CEP162: variants seen among roughly 807,000 people sequenced by gnomAD.
CEP162 encodes the protein centrosomal protein 162.
In CEP162, 141 loss-of-function variants were observed where a neutral mutation model predicts 169.2. The observed-to-expected ratio is 0.83, with a 90% CI of 0.73 to 0.96. The LOEUF (loss-of-function observed/expected upper bound fraction) is 0.96. Among genes scored for constraint, CEP162 ranks in the 40% least tolerant of loss-of-function variants. The probability of loss-of-function intolerance (pLI) is 0.00; values close to 1 mark genes in which losing one functional copy is unlikely to be tolerated. For missense variants in CEP162, 1,600 were observed against 1,587.2 expected, an observed-to-expected ratio of 1.01 and a Z score of -0.14; for synonymous variants, 540 against 526.4, an observed-to-expected ratio of 1.03 and a Z score of -0.35.
Position 84,176,691 on chromosome 6 carries a change from T to G in CEP162, c.1664-1344A>C, listed in dbSNP as rs561797507. Among the ~76,000 whole-genome samples, 179 of 152,282 alleles carry G rather than the reference T, an allele frequency of 1.2e-3. 1 individual carries two copies. Among genetic ancestry groups the G allele is most frequent in the Admixed American group, 8.5e-4 (13 of 15,284 alleles). On this transcript the variant is annotated intron_variant, in intron 13 of 26. Coordinates refer to ENST00000403245, the MANE Select transcript of CEP162 (RefSeq NM_014895.4). ...GGAGATGCTAAACTGGTAAATATAATGCAAATACTCCAAAATCCAATGAAA... is the reference window on the plus strand; with the variant it reads ...GGAGATGCTAAACTGGTAAATATAAGGCAAATACTCCAAAATCCAATGAAA...
intron 11 of CEP162, among the ~76,000 whole-genome samples, chr6:84,187,699 G>A (rs1437460166): frequency 6.6e-6 from 1 of 152,184 alleles, no homozygotes; most frequent in Non-Finnish European, 1.5e-5. Context: ...AGTCTGGAGA[G>A]ACGGCAGCCT....
rs1255989108 is a variant in CEP162 at position 84,193,839 on chromosome 6, T to A, written c.1028-149A>T. On this transcript the variant is annotated intron_variant, in intron 10 of 26. Coordinates refer to ENST00000403245, the MANE Select transcript of CEP162 (RefSeq NM_014895.4). ...TAGTTTTCCGTCTTAAGTTTCCTTA[T>A]ACCAGGAAAACTTCCTTTCTTATGA... is the stretch of plus-strand genomic sequence containing the variant. 4 of 483,098 alleles carry A rather than the reference T, an allele frequency of 8.3e-6. No homozygotes were observed. The Admixed American group carries it at 1.5e-4, about 18-fold the overall frequency. The allele number at this position is 483,098 out of a possible 1,614,324, so 29.9% of individuals were successfully genotyped here. A position where few individuals can be genotyped will look rare whatever the true frequency, so the allele number is the denominator to read the frequency against.
At chr6:84,171,572 T>C (rs2099530135) in intron 17 of CEP162, 34 bp downstream of exon 17, 2 of 772,896 alleles carry the variant, frequency 2.6e-6, no homozygotes, top group South Asian at 2.3e-5. Context: ...ATAGTCTAAG[T>C]ATATTTGATT....
chr6:84,215,378 GCAAAAAATTGTTCTTTCTCCT>G lies in CEP162; in HGVS notation c.386_406del (p.Glu129_Phe135del). On this transcript the variant is annotated inframe_deletion, in exon 5 of 27. Transcript: ENST00000403245. ...AGATGTCAAGCCTTTCTCAAGCCTG[GCAAAAAATTGTTCTTTCTCCT>G]CTTGTTCTTCTAATGTGTCCAATCC... is the stretch of plus-strand genomic sequence containing the variant. 1 of 1,607,008 alleles carries G rather than the reference GCAAAAAATTGTTCTTTCTCCT, an allele frequency of 6.2e-7. No homozygotes were observed. Among genetic ancestry groups the G allele is most frequent in the Non-Finnish European group, 8.5e-7 (1 of 1,175,884 alleles).
intron 18 of CEP162, 137 bp downstream of exon 18, chr6:84,169,191 C>T (rs2099528997): frequency 1.7e-6 from 1 of 588,296 alleles, no homozygotes; most frequent in Non-Finnish European, 2.9e-6. Flanking sequence ...ATATTTCTCC[C>T]TAAGTTTTAA....
rs77742208 is a variant in CEP162 at position 84,195,664 on chromosome 6, C to T, written c.836-589G>A. On this transcript the variant is annotated intron_variant, in intron 9 of 26. Coordinates refer to ENST00000403245, the MANE Select transcript of CEP162 (RefSeq NM_014895.4). ...GAGAAGTCAAACATTGTTTTTTTTC[C>T]TGTAACTGTTTCTTCTGCATGCCTT... is the stretch of plus-strand genomic sequence containing the variant. Among the ~76,000 whole-genome samples the T allele has an allele frequency of 3.9e-4, 60 of 152,170 alleles. 1 individual carries two copies. The East Asian group carries it at 9.3e-3, about 24-fold the overall frequency.
intron 25 of CEP162, among the ~76,000 whole-genome samples, chr6:84,132,170 C>T (rs191085927): frequency 6.6e-6 from 1 of 152,304 alleles, no homozygotes; most frequent in African/African-American, 2.4e-5. Context: ...AATGTTGGCC[C>T]CCACTCTCTT....
chr6:84,170,373 CAAAAAAAAAA>C (rs57988482), intron 17 of CEP162, among the ~76,000 whole-genome samples: 10 of 28,352 alleles, frequency 3.5e-4, no homozygotes, highest in African/African-American at 4.8e-4. Context: ...GACTCCGTCT[CAAAAAAAAAA>C]AAAAAAAAAA....
intron 2 of CEP162, 23 bp from the exon 3 acceptor site, chr6:84,221,194 A>T (rs777889415): frequency 7.2e-6 from 8 of 1,113,618 alleles, no homozygotes; most frequent in Admixed American, 7.0e-5. Flanking sequence ...TAAGACATTC[A>T]ATTTGAAAAT....
At chr6:84,198,178 A>G (rs1207208992) in intron 9 of CEP162, among the ~76,000 whole-genome samples, 1 of 152,240 alleles carries the variant, frequency 6.6e-6, no homozygotes, top group Non-Finnish European at 1.5e-5. Context: ...ATGAAGTGGC[A>G]TGGTAAAACA....
At chr6:84,159,526 TATATATATATA>T (rs1562025407) in intron 21 of CEP162, among the ~76,000 whole-genome samples, 4 of 37,240 alleles carry the variant, frequency 1.1e-4, no homozygotes, top group African/African-American at 3.4e-4. Context: ...TAATTATTTA[TATATATATATA>T]TATATATATA....
At chr6:84,141,769 C>G (rs553658294) in intron 25 of CEP162, among the ~76,000 whole-genome samples, 1 of 152,280 alleles carries the variant, frequency 6.6e-6, no homozygotes, top group Admixed American at 6.5e-5. Flanking sequence ...TTTGCTGTAC[C>G]TACACTCCAC....
chr6:84,184,010 T>A (rs535122237), intron 13 of CEP162, among the ~76,000 whole-genome samples: 1 of 152,136 alleles, frequency 6.6e-6, no homozygotes, highest in African/African-American at 2.4e-5. Context: ...AAAAGCATTC[T>A]CTCCTCACCA....
Position 84,153,172 on chromosome 6 carries a change from T to G in CEP162, c.3002A>C (p.Tyr1001Ser). 1.3e-6 allele frequency: 2 copies of G among 1,591,482 alleles called. No homozygotes were observed. The highest frequency in any genetic ancestry group is 1.7e-6 in the Non-Finnish European group (2 of 1,172,988). The stretch of plus-strand genomic sequence containing the variant: ...CTCCTGCTGCTCTAGTCTTTGTTCA[T>G]ACTGAATCTGAAGGAAAGAATCCAT... ...EQQFQKMKIQ[Y>S]EQRLEQQEQL... Residue 1001 changes from tyrosine (Y) to serine (S), a missense_variant, in exon 23 of 27, where the codon TAT (tyrosine) becomes TCT (serine). By Grantham distance (144) the Tyr-to-Ser change is moderately radical. Coordinates refer to ENST00000403245, the MANE Select transcript of CEP162 (RefSeq NM_014895.4).
chr6:84,220,164 T>C (rs569989745), intron 3 of CEP162, among the ~76,000 whole-genome samples: 1 of 152,064 alleles, frequency 6.6e-6, no homozygotes, highest in African/African-American at 2.4e-5. Context: ...TCAATTTTCA[T>C]GGGGAGGGGG....
intron 19 of CEP162, 136 bp from the exon 20 acceptor site, chr6:84,162,045 T>C: frequency 1.6e-6 from 1 of 612,564 alleles, no homozygotes; most frequent in Admixed American, 3.2e-5. Flanking sequence ...ATAAAACAAC[T>C]GATGTATACA....
In CEP162 at chr6:84,125,025, A is replaced by G. The variant is rs752799357; in HGVS notation, c.*45T>C. On this transcript the variant is annotated 3_prime_UTR_variant, in exon 27 of 27. Coordinates refer to ENST00000403245, the MANE Select transcript of CEP162 (RefSeq NM_014895.4). The stretch of plus-strand genomic sequence containing the variant: ...TCCTGACAGTGGCACAATCCCATCC[A>G]TCTTCAGGCCTTTTAATAAGGTCAT... 1.4e-6 allele frequency: 2 copies of G among 1,415,044 alleles called. No individual in the cohort carries two copies. The highest frequency in any genetic ancestry group is 9.9e-7 in the Non-Finnish European group (1 of 1,010,026). 87.7% of individuals were successfully genotyped at this position (1,415,044 alleles called of 1,614,324 possible). A position where few individuals can be genotyped will look rare whatever the true frequency, so the allele number is the denominator to read the frequency against.
intron 25 of CEP162, among the ~76,000 whole-genome samples, chr6:84,130,747 T>C (rs2099511005): frequency 6.6e-6 from 1 of 152,150 alleles, no homozygotes; most frequent in Non-Finnish European, 1.5e-5. Context: ...TTCTTCTCTC[T>C]TCTCTTCTTT....
chr6:84,150,209 T>C lies in CEP162; in HGVS notation c.3630-506A>G, dbSNP rs1227141971. Among the ~76,000 whole-genome samples the C allele has an allele frequency of 5.3e-5, 8 of 149,914 alleles. No individual in the cohort carries two copies. In the East Asian group the frequency reaches 1.5e-3, roughly 29 times the overall value. ...TAATTCTCAGGACATATTATGCTTG[T>C]AATATGCAATTAATTAATTGGACTG... On this transcript the variant is annotated intron_variant, in intron 23 of 26. Coordinates refer to ENST00000403245, the MANE Select transcript of CEP162 (RefSeq NM_014895.4).
Sources: allele counts gnomAD v4.1 joint callset (sites outside exome capture counted in the v4.1 genomes callset), GRCh38; gene constraint gnomAD v4.1.1; transcripts MANE v1.5; gene names NCBI Gene and HGNC (gene_info 2026-07-23, HGNC 2026-07-21).